The following SLC6A15 variants were observed in gnomAD, a reference collection of about 807,000 sequenced individuals.
The protein encoded by SLC6A15 is sodium-dependent neutral amino acid transporter B(0)AT2.
SLC6A15 carries 33 observed loss-of-function variants against 68.5 expected under a neutral mutation model. The observed-to-expected ratio is 0.48, with a 90% CI of 0.37 to 0.64. SLC6A15 has a LOEUF of 0.64. Among genes scored for constraint, SLC6A15 ranks in the 30% least tolerant of loss-of-function variants. The pLI is 0.00. For missense variants in SLC6A15, 747 were observed against 874.3 expected (o/e 0.85, Z 1.84); for synonymous variants, 347 against 301.0 (o/e 1.15, Z -1.58).
chr12:84,872,441 G>C (rs890371821), intron 8 of SLC6A15, among the ~76,000 whole-genome samples, 161 bp downstream of exon 8: 43 of 152,046 alleles, frequency 2.8e-4, no homozygotes, highest in African/African-American at 1.0e-3. Context: ...CTAAAATTAA[G>C]AATGTAAATT....
At chr12:84,907,482 G>A (rs539528193) in intron 1 of SLC6A15, among the ~76,000 whole-genome samples, 34 of 152,240 alleles carry the variant, frequency 2.2e-4, no homozygotes, top group South Asian at 2.1e-4. Context: ...TTAGCCATTA[G>A]GTAAATGCAA....
At chr12:84,906,974 T>TG (rs772711077) in intron 1 of SLC6A15, among the ~76,000 whole-genome samples, 18 of 150,910 alleles carry the variant, frequency 1.2e-4, no homozygotes, top group Non-Finnish European at 2.1e-4. Context: ...ATTAAGAGGA[T>TG]GGAAAAAAAA....
In SLC6A15 at chr12:84,909,002, T is replaced by C. The variant is rs1031968023; in HGVS notation, c.-189+3521A>G. 5.7e-4 allele frequency among the ~76,000 whole-genome samples: 87 copies of C among 152,162 alleles called. 1 individual carries two copies. The highest frequency in any genetic ancestry group is 1.6e-3 in the Admixed American group (25 of 15,274). ...TACAATGTTCCAACAAATTATTTTGTATATCTTGCATCTCCATATCTGTAG... is the reference window on the plus strand; with the variant it reads ...TACAATGTTCCAACAAATTATTTTGCATATCTTGCATCTCCATATCTGTAG... On this transcript the variant is annotated intron_variant, in intron 1 of 11. Coordinates refer to ENST00000266682, the MANE Select transcript of SLC6A15 (RefSeq NM_182767.6).
intron 9 of SLC6A15, 132 bp downstream of exon 9, chr12:84,870,345 AC>A (rs1423113210): frequency 4.4e-5 from 17 of 385,770 alleles, no homozygotes; most frequent in South Asian, 2.6e-4. Context: ...TACAATGTAT[AC>A]AATAATAAAT....
At chr12:84,898,865 C>T (rs1872736941) in intron 1 of SLC6A15, among the ~76,000 whole-genome samples, 1 of 152,188 alleles carries the variant, frequency 6.6e-6, no homozygotes, top group African/African-American at 2.4e-5. Flanking sequence ...CATCAAATCT[C>T]CTTTATATTT....
intron 6 of SLC6A15, among the ~76,000 whole-genome samples, chr12:84,873,902 A>G (rs901617154): frequency 6.6e-5 from 10 of 152,236 alleles, no homozygotes; most frequent in Non-Finnish European, 1.5e-4. Context: ...TATATTGTCT[A>G]TAAGATACTC....
At chr12:84,875,115 A>G (rs1391188359) in intron 6 of SLC6A15, among the ~76,000 whole-genome samples, 1 of 152,204 alleles carries the variant, frequency 6.6e-6, no homozygotes, top group African/African-American at 2.4e-5. Flanking sequence ...GAATTTTGTC[A>G]CAAGCAATTG....
intron 5 of SLC6A15, among the ~76,000 whole-genome samples, chr12:84,880,640 A>G (rs1187019682): frequency 1.3e-5 from 2 of 152,192 alleles, no homozygotes; most frequent in Admixed American, 6.5e-5. Flanking sequence ...CACATTGTCC[A>G]AGAAGTATAC....
rs1314505883 is a variant in SLC6A15 at position 84,876,574 on chromosome 12, C to T, written c.790G>A (p.Val264Ile). Reference sequence around the variant, plus strand: ...GCTCTGATGAGGAAGCAAATAAGTACCACATATGGAAACAGAGAACTAAAA... The same window carrying T: ...GCTCTGATGAGGAAGCAAATAAGTATCACATATGGAAACAGAGAACTAAAA... ...IYFSSLFPYVVLICFLIRAFL... is the reference protein window; with the variant it reads ...IYFSSLFPYVILICFLIRAFL... The change falls in exon 6 of 12, where the codon GTA becomes ATA. Residue 264 changes from valine to isoleucine, a missense_variant. Transcript: ENST00000266682. 8.8e-6 allele frequency: 14 copies of T among 1,588,546 alleles called. No homozygotes were observed. The highest frequency in any genetic ancestry group is 1.1e-5 in the Non-Finnish European group (13 of 1,167,532).
At chr12:84,909,403 T>G (rs901122601) in intron 1 of SLC6A15, among the ~76,000 whole-genome samples, 2 of 152,166 alleles carry the variant, frequency 1.3e-5, no homozygotes, top group African/African-American at 2.4e-5. Flanking sequence ...CCCAGTTTAT[T>G]TTTAGGGCTT....
intron 5 of SLC6A15, chr12:84,880,830 C>T (rs541746863): frequency 1.2e-4 from 95 of 823,142 alleles, no homozygotes; most frequent in Middle Eastern, 6.1e-4. Flanking sequence ...TTTAAAAAAT[C>T]GAAAACAAAA....
intron 10 of SLC6A15, among the ~76,000 whole-genome samples, chr12:84,865,246 G>A (rs75289104): frequency 2.7e-4 from 41 of 152,296 alleles, no homozygotes; most frequent in African/African-American, 9.6e-4. Flanking sequence ...TTTCCCATCT[G>A]TAAGATATGG....
At chr12:84,901,399 T>C (rs1525541) in intron 1 of SLC6A15, among the ~76,000 whole-genome samples, 39,995 of 151,742 alleles carry the variant, frequency 0.26, 5,726 homozygotes, top group Middle Eastern at 0.45. Flanking sequence ...TAAAGTGTTC[T>C]ATAATATTCC....
At chr12:84,887,828 A>G (rs11833807) in intron 2 of SLC6A15, among the ~76,000 whole-genome samples, 6,147 of 152,092 alleles carry the variant, frequency 0.04, 396 homozygotes, top group African/African-American at 0.14. Flanking sequence ...TCTTCTATAG[A>G]AAACAGTATG....
chr12:84,861,504 G>T lies in SLC6A15; in HGVS notation c.*128C>A. 1 of 1,043,426 alleles carries T rather than the reference G, an allele frequency of 9.6e-7. No individual in the cohort carries two copies. The highest frequency in any genetic ancestry group is 1.4e-6 in the Non-Finnish European group (1 of 715,724). 64.6% of individuals were successfully genotyped at this position (1,043,426 alleles called of 1,614,324 possible). On this transcript the variant is annotated 3_prime_UTR_variant, in exon 12 of 12. Coordinates refer to ENST00000266682, the MANE Select transcript of SLC6A15 (RefSeq NM_182767.6). ...AAGTTGAACTGACATATACTGTTAG[G>T]ATTAAAGATCACAGCCACGGAACAC...
At chr12:84,899,809 C>A (rs879303895) in intron 1 of SLC6A15, among the ~76,000 whole-genome samples, 5 of 151,958 alleles carry the variant, frequency 3.3e-5, no homozygotes, top group Non-Finnish European at 7.4e-5. Context: ...CTTTAGTTAT[C>A]TTCATATATT....
chr12:84,873,336 A>G lies in SLC6A15; in HGVS notation c.868-8T>C, dbSNP rs780395947. 5 of 1,611,570 alleles carry G rather than the reference A, an allele frequency of 3.1e-6. No individual in the cohort carries two copies. In the Middle Eastern group the frequency reaches 5.0e-4, roughly 160 times the overall value. On this transcript the variant is annotated splice_region_variant and splice_polypyrimidine_tract_variant and intron_variant, in intron 6 of 11. Coordinates refer to ENST00000266682, the MANE Select transcript of SLC6A15 (RefSeq NM_182767.6). ...CTCCAGCATTATTTCAAGCTGTTTAAAAATAAACATAATAGAATCAGCTAC... is the reference window on the plus strand; with the variant it reads ...CTCCAGCATTATTTCAAGCTGTTTAGAAATAAACATAATAGAATCAGCTAC...
intron 2 of SLC6A15, among the ~76,000 whole-genome samples, chr12:84,888,404 T>C (rs928950072): frequency 3.9e-5 from 6 of 152,012 alleles, no homozygotes; most frequent in African/African-American, 1.5e-4. Context: ...AAAGGTGATA[T>C]TATGCACCAC....
intron 1 of SLC6A15, among the ~76,000 whole-genome samples, chr12:84,897,566 G>A (rs1462994215): frequency 6.6e-6 from 1 of 152,014 alleles, no homozygotes; most frequent in Non-Finnish European, 1.5e-5. Context: ...TCAAGCAGAA[G>A]TAGAAAGATC....
Sources: allele counts gnomAD v4.1 joint callset (sites outside exome capture counted in the v4.1 genomes callset), GRCh38; gene constraint gnomAD v4.1.1; transcripts MANE v1.5; gene names NCBI Gene and HGNC (gene_info 2026-07-23, HGNC 2026-07-21).